The following BMPR1B variants were observed in gnomAD, a reference collection of about 807,000 sequenced individuals.
The protein encoded by BMPR1B is bone morphogenetic protein receptor type 1B.
In BMPR1B, 12 loss-of-function variants were observed where a neutral mutation model predicts 59.1. The ratio of observed to expected loss-of-function variants is 0.20; its 90% CI spans 0.13 to 0.33. BMPR1B has a LOEUF of 0.33. BMPR1B is among the 10% of genes least tolerant of loss of function. BMPR1B has a pLI of 1.00. For synonymous variants in BMPR1B, 237 were observed against 207.3 expected (o/e 1.14, Z -1.23); for missense variants, 550 against 610.9 (o/e 0.90, Z 1.05).
At chr4:94,810,485 A>G (rs1294164710) in intron 1 of BMPR1B, among the ~76,000 whole-genome samples, 2 of 152,200 alleles carry the variant, frequency 1.3e-5, no homozygotes, top group African/African-American at 4.8e-5. Flanking sequence ...TTGATGTGGG[A>G]ATGGAAACTT....
At chr4:94,880,532 C>A (rs1726916153) in intron 2 of BMPR1B, among the ~76,000 whole-genome samples, 1 of 152,110 alleles carries the variant, frequency 6.6e-6, no homozygotes, top group South Asian at 2.1e-4. Context: ...ACGGTGTTGC[C>A]CAGGCTGGTC....
At chr4:95,149,445 G>A (rs1431552141) in intron 11 of BMPR1B, among the ~76,000 whole-genome samples, 1 of 152,124 alleles carries the variant, frequency 6.6e-6, no homozygotes, top group Non-Finnish European at 1.5e-5. Flanking sequence ...GGAAATTAAA[G>A]TATCAGAGTA....
chr4:94,816,177 T>C (rs1207209204), intron 1 of BMPR1B, among the ~76,000 whole-genome samples: 1 of 152,150 alleles, frequency 6.6e-6, no homozygotes, highest in Non-Finnish European at 1.5e-5. Flanking sequence ...GATGGAGTCT[T>C]GCTGTGTCAA....
chr4:95,093,635 T>C (rs1302794306), intron 3 of BMPR1B, among the ~76,000 whole-genome samples: 1 of 152,086 alleles, frequency 6.6e-6, no homozygotes, highest in Admixed American at 6.6e-5. Context: ...TCACATAAAA[T>C]GTTTGAGTGA....
At chr4:95,090,829 T>C (rs774825301) in intron 3 of BMPR1B, among the ~76,000 whole-genome samples, 2 of 152,152 alleles carry the variant, frequency 1.3e-5, no homozygotes, top group Non-Finnish European at 2.9e-5. Context: ...GTCTCAAATA[T>C]AAATTTTATA....
chr4:95,079,679 CATAAA>C (rs1338899587), intron 3 of BMPR1B, among the ~76,000 whole-genome samples: 2 of 151,430 alleles, frequency 1.3e-5, no homozygotes, highest in Non-Finnish European at 2.9e-5. Flanking sequence ...CATAAACACA[CATAAA>C]GTTAGGGAAA....
At chr4:94,766,976 A>G (rs2110563980) in intron 1 of BMPR1B, among the ~76,000 whole-genome samples, 1 of 152,274 alleles carries the variant, frequency 6.6e-6, no homozygotes, top group African/African-American at 2.4e-5. Context: ...ATTCTCGGAA[A>G]TTGGAACCAC....
intron 3 of BMPR1B, among the ~76,000 whole-genome samples, chr4:95,019,035 T>C (rs1285535635): frequency 6.6e-6 from 1 of 152,194 alleles, no homozygotes; most frequent in Non-Finnish European, 1.5e-5. Flanking sequence ...AGTTTTTTTT[T>C]CACTGGAAGT....
chr4:94,969,544 C>G (rs2149075050), intron 2 of BMPR1B, among the ~76,000 whole-genome samples: 1 of 152,170 alleles, frequency 6.6e-6, no homozygotes, highest in South Asian at 2.1e-4. Flanking sequence ...TCTTTTTTAG[C>G]CTGACAAAGT....
chr4:94,965,181 T>C (rs1425298969), intron 2 of BMPR1B, among the ~76,000 whole-genome samples: 1 of 152,122 alleles, frequency 6.6e-6, no homozygotes, highest in Non-Finnish European at 1.5e-5. Context: ...ATAATTAAAA[T>C]AATAAGACAC....
intron 2 of BMPR1B, among the ~76,000 whole-genome samples, chr4:94,886,621 A>G (rs994432724): frequency 2.0e-5 from 3 of 152,230 alleles, no homozygotes; most frequent in Admixed American, 6.5e-5. Context: ...AACCTCTTCA[A>G]ATCTCCTCCC....
At chr4:94,792,696 G>A (rs1314173740) in intron 1 of BMPR1B, among the ~76,000 whole-genome samples, 3 of 152,160 alleles carry the variant, frequency 2.0e-5, no homozygotes, top group Admixed American at 6.5e-5. Context: ...ATGCTAGAGA[G>A]ATGACTTTTT....
intron 1 of BMPR1B, among the ~76,000 whole-genome samples, chr4:94,763,664 T>C (rs777005985): frequency 2.0e-5 from 3 of 152,224 alleles, no homozygotes; most frequent in Non-Finnish European, 2.9e-5. Context: ...GTTAGATAGA[T>C]ATGAACTTAA....
chr4:94,888,895 T>C lies in BMPR1B; in HGVS notation c.-113+12995T>C, dbSNP rs1325562013. On this transcript the variant is annotated intron_variant, in intron 2 of 12. Transcript: ENST00000515059. ...ATGATATATCTCCAAGGAAATCATA[T>C]CTCTAAGGAAACCATTGTTTCTTAC... Among the ~76,000 whole-genome samples the C allele has an allele frequency of 2.0e-5, 3 of 152,154 alleles. No homozygotes were observed. In the East Asian group the frequency reaches 5.8e-4, roughly 29 times the overall value.
At chr4:95,055,806 T>C (rs1414785338) in intron 3 of BMPR1B, among the ~76,000 whole-genome samples, 2 of 152,208 alleles carry the variant, frequency 1.3e-5, no homozygotes, top group Non-Finnish European at 2.9e-5. Context: ...TAAATGTCTG[T>C]ACATAGTATA....
chr4:95,014,107 A>G (rs891107628), intron 3 of BMPR1B, among the ~76,000 whole-genome samples: 22 of 152,184 alleles, frequency 1.4e-4, no homozygotes, highest in African/African-American at 4.8e-4. Context: ...GTTGTCTGAC[A>G]GGTTTAAGTC....
In BMPR1B at chr4:95,115,796, G is replaced by C. The variant is rs749791408; in HGVS notation, c.349+9G>C. The C allele has an allele frequency of 5.0e-6, 8 of 1,600,372 alleles. No individual in the cohort carries two copies. Among genetic ancestry groups the C allele is most frequent in the Non-Finnish European group, 6.8e-6 (8 of 1,168,296 alleles). On this transcript the variant is annotated intron_variant, in intron 6 of 12. Coordinates refer to ENST00000515059, the MANE Select transcript of BMPR1B (RefSeq NM_001203.3). The stretch of plus-strand genomic sequence containing the variant: ...TCCATTGAAAAACAGAGGTAAGTGA[G>C]GAAGGCTTCCAGCCTGGAAAATCAC...
intron 1 of BMPR1B, among the ~76,000 whole-genome samples, chr4:94,846,293 A>C (rs1419579215): frequency 6.6e-6 from 1 of 152,208 alleles, no homozygotes; most frequent in East Asian, 1.9e-4. Context: ...CCTATCTCTG[A>C]TCATATATAT....
At chr4:94,953,627 T>C (rs958703684) in intron 2 of BMPR1B, among the ~76,000 whole-genome samples, 1 of 152,250 alleles carries the variant, frequency 6.6e-6, no homozygotes, top group Non-Finnish European at 1.5e-5. Flanking sequence ...AGAGATCCGC[T>C]GTTAGCGTGA....
Sources: gnomAD v4.1 joint callset for allele counts (sites outside exome capture counted in the v4.1 genomes callset) on GRCh38, gnomAD v4.1.1 for gene constraint, MANE v1.5 for transcripts, NCBI Gene and HGNC (gene_info 2026-07-23, HGNC 2026-07-21) for gene names.